The following SHLD2 variants were observed in gnomAD, a reference collection of about 807,000 sequenced individuals.
SHLD2 encodes the protein RINN1-REV7-interacting novel NHEJ regulator 2.
A neutral mutation model predicts 73.2 loss-of-function variants in SHLD2; 30 were observed. The ratio of observed to expected loss-of-function variants is 0.41; its 90% CI spans 0.31 to 0.56. The LOEUF is 0.56. SHLD2 is among the 20% of genes least tolerant of loss of function. The probability of loss-of-function intolerance (pLI) is 0.28; values close to 1 mark genes in which losing one functional copy is unlikely to be tolerated. For synonymous variants in SHLD2, 285 were observed against 370.1 expected, an observed-to-expected ratio of 0.77 and a Z score of 2.64; for missense variants, 745 against 1,055.9, an observed-to-expected ratio of 0.71 and a Z score of 4.08.
chr10:87,173,630 G>A (rs1412096046), intron 6 of SHLD2, among the ~76,000 whole-genome samples: 3 of 151,874 alleles, frequency 2.0e-5, no homozygotes, highest in Non-Finnish European at 4.4e-5. Context: ...ATGAATAGTA[G>A]AAGAAAATAT....
At chr10:87,165,716 T>C (rs1695165961) in intron 4 of SHLD2, among the ~76,000 whole-genome samples, 1 of 152,154 alleles carries the variant, frequency 6.6e-6, no homozygotes, top group Non-Finnish European at 1.5e-5. Flanking sequence ...AAATCCTACA[T>C]AGAAAAAGGA....
chr10:87,145,150 T>C (rs1270175173), intron 2 of SHLD2, among the ~76,000 whole-genome samples: 3 of 146,676 alleles, frequency 2.0e-5, no homozygotes, highest in Admixed American at 6.8e-5. Flanking sequence ...ACCGTGTTAG[T>C]CAGGATGGTC....
At chr10:87,139,180 T>G (rs973540420) in intron 2 of SHLD2, among the ~76,000 whole-genome samples, 51 of 151,860 alleles carry the variant, frequency 3.4e-4, no homozygotes, top group African/African-American at 1.2e-3. Context: ...GAGAGACTGT[T>G]TCATACAAAG....
chr10:87,134,732 A>G (rs558981556), intron 2 of SHLD2, among the ~76,000 whole-genome samples: 1 of 152,354 alleles, frequency 6.6e-6, no homozygotes, highest in African/African-American at 2.4e-5. Flanking sequence ...AGGCAGGGGA[A>G]GAGCTAGAGA....
At chr10:87,136,822 C>T (rs1844833211) in intron 2 of SHLD2, among the ~76,000 whole-genome samples, 2 of 152,112 alleles carry the variant, frequency 1.3e-5, no homozygotes, top group South Asian at 4.2e-4. Context: ...ACAAGCAGGT[C>T]TCTGTAATTT....
At chr10:87,126,125 C>T (rs1288159776) in intron 2 of SHLD2, among the ~76,000 whole-genome samples, 1 of 152,166 alleles carries the variant, frequency 6.6e-6, no homozygotes, top group African/African-American at 2.4e-5. Flanking sequence ...GTCACCCAGA[C>T]TGGAGTACAT....
chr10:87,141,105 C>T (rs373664558), intron 2 of SHLD2, among the ~76,000 whole-genome samples: 5 of 151,414 alleles, frequency 3.3e-5, no homozygotes, highest in African/African-American at 1.2e-4. Flanking sequence ...CATAGTGAGA[C>T]CCTGTCTCTC....
intron 9 of SHLD2, among the ~76,000 whole-genome samples, chr10:87,189,808 T>G (rs1019299592): frequency 6.6e-6 from 1 of 152,104 alleles, no homozygotes; most frequent in African/African-American, 2.4e-5. Context: ...ATTATTGAGA[T>G]TCAATATTTA....
At chr10:87,172,065 G>A (rs1320242174) in intron 6 of SHLD2, among the ~76,000 whole-genome samples, 1 of 152,110 alleles carries the variant, frequency 6.6e-6, no homozygotes, top group South Asian at 2.1e-4. Context: ...AATTACAGTT[G>A]TCTCTAGGTG....
intron 8 of SHLD2, among the ~76,000 whole-genome samples, chr10:87,185,750 T>C (rs567393975): frequency 3.9e-5 from 6 of 152,308 alleles, no homozygotes; most frequent in African/African-American, 1.4e-4. Flanking sequence ...GTATGTGGGA[T>C]AAGGAAGGGG....
intron 2 of SHLD2, among the ~76,000 whole-genome samples, chr10:87,150,537 G>C (rs1187708991): frequency 1.3e-5 from 2 of 151,252 alleles, no homozygotes. Context: ...GAGGCGAGTG[G>C]ATTTCTTGAG....
At chr10:87,142,519 A>T (rs1450939242) in intron 2 of SHLD2, among the ~76,000 whole-genome samples, 1 of 152,124 alleles carries the variant, frequency 6.6e-6, no homozygotes, top group Non-Finnish European at 1.5e-5. Flanking sequence ...TGGAAGAAGG[A>T]TGGTGATTTG....
intron 2 of SHLD2, among the ~76,000 whole-genome samples, chr10:87,143,711 G>A (rs896812488): frequency 2.0e-5 from 3 of 151,902 alleles, no homozygotes; most frequent in Non-Finnish European, 4.4e-5. Flanking sequence ...GTGTTTATAT[G>A]GTTCTTAACT....
chr10:87,117,536 A>T (rs1385338587), intron 2 of SHLD2, among the ~76,000 whole-genome samples: 4 of 150,386 alleles, frequency 2.7e-5, no homozygotes. Context: ...GCTCACGCCT[A>T]TAATCCCAGC....
At chr10:87,118,388 A>G (rs1564582757) in intron 2 of SHLD2, among the ~76,000 whole-genome samples, 3 of 152,142 alleles carry the variant, frequency 2.0e-5, no homozygotes, top group Admixed American at 1.3e-4. Context: ...GTTTCAGACT[A>G]TAACTAGTTT....
At chr10:87,096,663 G>C (rs1270244389) in intron 1 of SHLD2, among the ~76,000 whole-genome samples, 1 of 152,268 alleles carries the variant, frequency 6.6e-6, no homozygotes, top group Non-Finnish European at 1.5e-5. Flanking sequence ...AGTGTACTTG[G>C]GTGGTTTTAA....
chr10:87,109,863 C>T (rs981888993), intron 2 of SHLD2, among the ~76,000 whole-genome samples: 14 of 151,982 alleles, frequency 9.2e-5, no homozygotes, highest in South Asian at 2.1e-4. Context: ...CTGTCTTGGC[C>T]GGGTGCAGTG....
chr10:87,168,180 A>G (rs1847337067), intron 4 of SHLD2, among the ~76,000 whole-genome samples: 1 of 152,090 alleles, frequency 6.6e-6, no homozygotes, highest in South Asian at 2.1e-4. Flanking sequence ...AAGCACTTGA[A>G]TATTCATTGT....
At chr10:87,094,659 G>A (rs1214388337), upstream of SHLD2, 3 of 1,586,658 alleles carry the variant, frequency 1.9e-6, no homozygotes, top group African/African-American at 2.7e-5. The surrounding 1 kb of genome is among the most constrained non-coding windows in gnomAD (Gnocchi z 6.6). Flanking sequence ...GGGCGGCGGC[G>A]GGCTGTCCCC....
Sources: allele counts gnomAD v4.1 joint callset (sites outside exome capture counted in the v4.1 genomes callset), GRCh38; gene constraint gnomAD v4.1.1; non-coding constraint Gnocchi (gnomAD v3.1); transcripts MANE v1.5; gene names NCBI Gene and HGNC (gene_info 2026-07-23, HGNC 2026-07-21).